Variants in CPNE1 observed in about 807,000 individuals in gnomAD.
CPNE1 encodes the protein copine-1.
CPNE1 carries 58 observed loss-of-function variants against 63.2 expected under a neutral mutation model. The observed-to-expected ratio is 0.92, with a 90% confidence interval of 0.74 to 1.14. CPNE1 has a LOEUF of 1.14. Ranked by LOEUF, CPNE1 falls within the 50% of genes most tolerant of loss-of-function variation. The probability of loss-of-function intolerance (pLI) is 0.00; values close to 1 mark genes in which losing one functional copy is unlikely to be tolerated. For synonymous variants in CPNE1, 237 were observed against 249.0 expected (o/e 0.95, Z 0.45); for missense variants, 672 against 661.7 (o/e 1.02, Z -0.17).
chr20:35,634,391 C>G (rs2032363503), intron 1 of CPNE1, among the ~76,000 whole-genome samples: 1 of 151,106 alleles, frequency 6.6e-6, no homozygotes, highest in South Asian at 2.1e-4. Context: ...GTCAGGAGTT[C>G]GAGACCAGCC....
chr20:35,651,235 G>C (rs1014767121), intron 1 of CPNE1: 1 of 152,270 alleles, frequency 6.6e-6, no homozygotes, highest in African/African-American at 2.4e-5. Context: ...GCCTTGTAAG[G>C]CAAGTGTTTT....
At chr20:35,646,982 T>C (rs1345217542) in intron 1 of CPNE1, among the ~76,000 whole-genome samples, 1 of 152,110 alleles carries the variant, frequency 6.6e-6, no homozygotes. Flanking sequence ...TGACGTTTGC[T>C]GAGTCTCTAT....
At chr20:35,656,642 C>T (rs558468767) in intron 1 of CPNE1, among the ~76,000 whole-genome samples, 9 of 152,316 alleles carry the variant, frequency 5.9e-5, no homozygotes, top group Admixed American at 1.3e-4. Context: ...TCAAGTAATT[C>T]TCCTGCCTCA....
intron 1 of CPNE1, chr20:35,650,108 T>C (rs1339630386): frequency 1.3e-5 from 2 of 152,620 alleles, no homozygotes; most frequent in Non-Finnish European, 2.9e-5. Context: ...CCTTAGCAGT[T>C]AGCACTGTTA....
chr20:35,635,501 C>T (rs541268038), intron 1 of CPNE1, among the ~76,000 whole-genome samples: 1 of 152,210 alleles, frequency 6.6e-6, no homozygotes, highest in African/African-American at 2.4e-5. Flanking sequence ...TCTGATTCAC[C>T]CCTTCCCTCT....
rs768589232 is a variant in CPNE1 at position 35,632,808 on chromosome 20, C to G, written c.116G>C (p.Gly39Ala). Residue 39 changes from glycine to alanine, a missense_variant, in exon 2 of 16, where the codon GGC becomes GCC. By Grantham distance (60) the Gly-to-Ala change is moderately conservative. Coordinates refer to ENST00000397443, the MANE Select transcript of CPNE1 (RefSeq NM_152925.3). ...LCVLLQDVGG[G>A]SWAELGRTER... ...AATCCGCCTCACCTCAGCCCAGCTG[C>G]CCCCTCCCACATCCTGTAAAAGGAC... is the stretch of plus-strand genomic sequence containing the variant. The G allele has an allele frequency of 2.3e-6, 2 of 872,250 alleles. No homozygotes were observed. Among genetic ancestry groups the G allele is most frequent in the South Asian group, 2.6e-5 (2 of 76,406 alleles). The allele number at this position is 872,250 out of a possible 1,614,324, so 54.0% of individuals were successfully genotyped here. A position where few individuals can be genotyped will look rare whatever the true frequency, so the allele number is the denominator to read the frequency against.
intron 1 of CPNE1, among the ~76,000 whole-genome samples, chr20:35,655,674 C>A (rs149894776): frequency 6.6e-6 from 1 of 152,038 alleles, no homozygotes; most frequent in Non-Finnish European, 1.5e-5. Context: ...AAAGAAATGT[C>A]TAAGTCAAAT....
intron 1 of CPNE1, among the ~76,000 whole-genome samples, chr20:35,635,899 T>TG (rs143329586): frequency 0.042 from 6,330 of 152,244 alleles, 203 homozygotes; most frequent in South Asian, 0.064. Context: ...CACAGCACCC[T>TG]GGCCCCTGCA....
At position 35,626,699 on chromosome 20, in the gene CPNE1, A is replaced by T. The variant is rs761985978; in HGVS notation, c.1341T>A (p.Ile447=). The T allele has an allele frequency of 1.9e-6, 3 of 1,614,050 alleles. No individual in the cohort carries two copies. In the Admixed American group the frequency reaches 5.0e-5, roughly 27 times the overall value. Residue 447 remains isoleucine (I), a synonymous_variant, in exon 15 of 16, where the codon ATT becomes ATA. Coordinates refer to ENST00000397443, the MANE Select transcript of CPNE1 (RefSeq NM_152925.3). The part of the protein sequence containing the change: ...RASNLPMSVI[I]VGVGGADFEA... ...CAAAGTCAGCACCACCCACACCCAC[A>T]ATGATCACTGACATGGGCAGGTTCG...
intron 1 of CPNE1, among the ~76,000 whole-genome samples, chr20:35,645,915 G>A (rs13433305): frequency 0.013 from 1,953 of 152,084 alleles, 31 homozygotes; most frequent in African/African-American, 0.044. Context: ...GGCAATCAGA[G>A]GCACTGGTAC....
intron 1 of CPNE1, among the ~76,000 whole-genome samples, chr20:35,646,972 T>C (rs1407986330): frequency 1.3e-5 from 2 of 152,068 alleles, no homozygotes; most frequent in African/African-American, 4.8e-5. Flanking sequence ...CTTCTCTATA[T>C]GACGTTTGCT....
At chr20:35,652,473 C>T in intron 1 of CPNE1, 2 of 1,536,582 alleles carry the variant, frequency 1.3e-6, no homozygotes, top group South Asian at 2.5e-5. Context: ...AATCTGGATG[C>T]ATTAATCACA....
At position 35,664,812 on chromosome 20, in the gene CPNE1, A is replaced by T. The variant is rs1375406703; in HGVS notation, c.-53T>A. On this transcript the variant is annotated 5_prime_UTR_variant, in exon 1 of 16. Coordinates refer to ENST00000397443, the MANE Select transcript of CPNE1 (RefSeq NM_152925.3). ...CAGACCCCGAATTACCCCCCGCGCGAGTGCCTCCGCCCCGCGGCCGACAGC... is the reference window on the plus strand; with the variant it reads ...CAGACCCCGAATTACCCCCCGCGCGTGTGCCTCCGCCCCGCGGCCGACAGC... 2 of 152,390 alleles carry T rather than the reference A, an allele frequency of 1.3e-5. No homozygotes were observed. The highest frequency in any genetic ancestry group is 4.8e-5 in the African/African-American group (2 of 41,456). The allele number at this position is 152,390 out of a possible 1,614,324, so 9.4% of individuals were successfully genotyped here.
intron 1 of CPNE1, chr20:35,658,802 AACACACACACACACACACACAC>A (rs10542710): frequency 1.7e-5 from 8 of 472,632 alleles, no homozygotes; most frequent in Non-Finnish European, 3.1e-5. Context: ...AGCAAACAAA[AACACACACACACACACACACAC>A]ACACACACAC....
intron 1 of CPNE1, among the ~76,000 whole-genome samples, chr20:35,635,835 T>C (rs2032457387): frequency 1.3e-5 from 2 of 152,318 alleles, no homozygotes; most frequent in South Asian, 2.1e-4. Context: ...TCTGGAATGC[T>C]GTTATCAAAG....
At chr20:35,658,981 T>C in intron 1 of CPNE1, 1 of 717,190 alleles carries the variant, frequency 1.4e-6, no homozygotes, top group South Asian at 1.5e-5. Context: ...GCCAAGTCAA[T>C]CCTGTGGGCA....
chr20:35,657,119 A>G (rs1355901031), intron 1 of CPNE1, among the ~76,000 whole-genome samples: 2 of 152,226 alleles, frequency 1.3e-5, no homozygotes, highest in African/African-American at 4.8e-5. Context: ...TAATCCAGAA[A>G]AATGGACTAG....
chr20:35,653,574 T>G, intron 1 of CPNE1: 1 of 1,614,246 alleles, frequency 6.2e-7, no homozygotes, highest in Non-Finnish European at 8.5e-7. Context: ...GTCCTAGACC[T>G]TGCCCATTGT....
intron 1 of CPNE1, among the ~76,000 whole-genome samples, chr20:35,637,716 C>T (rs2032569325): frequency 6.6e-6 from 1 of 152,142 alleles, no homozygotes; most frequent in Non-Finnish European, 1.5e-5. Flanking sequence ...TGTCATTTTT[C>T]CACTGAAAAC....
Sources: allele counts gnomAD v4.1 joint callset (sites outside exome capture counted in the v4.1 genomes callset), GRCh38; gene constraint gnomAD v4.1.1; transcripts MANE v1.5; gene names NCBI Gene and HGNC (gene_info 2026-07-23, HGNC 2026-07-21).